QTMAN: variants seen among roughly 807,000 people sequenced by gnomAD.
QTMAN encodes tRNA-queuosine alpha-mannosyltransferase.
the QTMAN span, among the ~76,000 whole-genome samples, chr2:144,324,363 G>C: frequency 6.6e-6 from 1 of 152,200 alleles, no homozygotes; most frequent in East Asian, 1.9e-4. Context: ...ATATGCTCTA[G>C]ATAGTTCATT....
chr2:144,117,182 T>C, the QTMAN span, among the ~76,000 whole-genome samples: 1 of 152,208 alleles, frequency 6.6e-6, no homozygotes, highest in Non-Finnish European at 1.5e-5. Flanking sequence ...CTCCAGCAAA[T>C]GTTCTTCACT....
At chr2:144,097,588 C>G in the QTMAN span, among the ~76,000 whole-genome samples, 239 of 152,208 alleles carry the variant, frequency 1.6e-3, 1 homozygote, top group Middle Eastern at 0.01. Context: ...GGGGAGGGAA[C>G]GATCTTGATG....
the QTMAN span, among the ~76,000 whole-genome samples, chr2:143,966,792 C>CA: frequency 6.6e-6 from 1 of 152,174 alleles, no homozygotes; most frequent in Non-Finnish European, 1.5e-5. Flanking sequence ...TGCTTGAAAA[C>CA]AATCAACAGT....
the QTMAN span, among the ~76,000 whole-genome samples, chr2:144,118,528 T>C: frequency 6.6e-6 from 1 of 152,156 alleles, no homozygotes; most frequent in Non-Finnish European, 1.5e-5. Flanking sequence ...AACACAAATA[T>C]CAATTTTTCA....
chr2:144,051,777 GA>G, the QTMAN span, among the ~76,000 whole-genome samples: 1 of 152,096 alleles, frequency 6.6e-6, no homozygotes, highest in Non-Finnish European at 1.5e-5. Context: ...GGAAGGATCT[GA>G]ACGAAACTAC....
chr2:144,003,716 C>T, the QTMAN span, among the ~76,000 whole-genome samples: 1 of 152,062 alleles, frequency 6.6e-6, no homozygotes, highest in Non-Finnish European at 1.5e-5. Flanking sequence ...CATGCACAGA[C>T]ATTTTAACAC....
At chr2:144,059,062 C>T in the QTMAN span, among the ~76,000 whole-genome samples, 1 of 152,194 alleles carries the variant, frequency 6.6e-6, no homozygotes, top group African/African-American at 2.4e-5. Context: ...TACAGGATAA[C>T]ATTTGCCTCT....
At chr2:144,006,046 C>A in the QTMAN span, 4 of 151,938 alleles carry the variant, frequency 2.6e-5, no homozygotes, top group African/African-American at 9.7e-5. Flanking sequence ...TCATCTAGAC[C>A]CACTGCATTT....
At chr2:144,044,700 T>C in the QTMAN span, among the ~76,000 whole-genome samples, 1 of 152,170 alleles carries the variant, frequency 6.6e-6, no homozygotes, top group Non-Finnish European at 1.5e-5. Flanking sequence ...CCATATGCAG[T>C]AGAGATATCA....
the QTMAN span, among the ~76,000 whole-genome samples, chr2:144,216,536 C>G: frequency 1.3e-5 from 2 of 152,158 alleles, no homozygotes; most frequent in African/African-American, 2.4e-5. Context: ...CTAATGATTT[C>G]CTATTATTCC....
At chr2:144,314,539 C>G in the QTMAN span, among the ~76,000 whole-genome samples, 1 of 152,028 alleles carries the variant, frequency 6.6e-6, no homozygotes, top group African/African-American at 2.4e-5. Context: ...AGTGAAACTC[C>G]GTCTCTACTA....
chr2:144,306,647 A>G, the QTMAN span, among the ~76,000 whole-genome samples: 2 of 152,186 alleles, frequency 1.3e-5, no homozygotes, highest in Admixed American at 6.5e-5. Context: ...CACACAGTCC[A>G]TAAGAGCCCC....
chr2:144,252,849 T>G, the QTMAN span, among the ~76,000 whole-genome samples: 1 of 152,160 alleles, frequency 6.6e-6, no homozygotes, highest in Non-Finnish European at 1.5e-5. Flanking sequence ...GTGGCCAAAA[T>G]GTCCTCCAAA....
At chr2:144,021,429 GGATGTGCT>G in the QTMAN span, among the ~76,000 whole-genome samples, 1 of 152,132 alleles carries the variant, frequency 6.6e-6, no homozygotes, top group Non-Finnish European at 1.5e-5. Flanking sequence ...AGATACTGGT[GGATGTGCT>G]CCCTATAAGA....
the QTMAN span, among the ~76,000 whole-genome samples, chr2:144,013,310 C>T: frequency 2.0e-5 from 3 of 152,110 alleles, no homozygotes; most frequent in African/African-American, 7.2e-5. Flanking sequence ...TCCTCACCTA[C>T]CCCTGCAGGA....
chr2:143,973,646 G>A, the QTMAN span, among the ~76,000 whole-genome samples: 3 of 152,056 alleles, frequency 2.0e-5, no homozygotes, highest in Non-Finnish European at 2.9e-5. Context: ...AAAATTAGCC[G>A]GGCATGGTGG....
At chr2:144,260,748 T>C in the QTMAN span, among the ~76,000 whole-genome samples, 1 of 151,860 alleles carries the variant, frequency 6.6e-6, no homozygotes, top group Non-Finnish European at 1.5e-5. Context: ...ATGTTCTAAA[T>C]GAAAAGCATT....
the QTMAN span, among the ~76,000 whole-genome samples, chr2:144,198,122 G>C: frequency 2.0e-5 from 3 of 152,080 alleles, no homozygotes; most frequent in Non-Finnish European, 2.9e-5. Flanking sequence ...GCTAGTACGG[G>C]AGGCTGAGGT....
At chr2:144,026,703 G>C in the QTMAN span, among the ~76,000 whole-genome samples, 134 of 152,154 alleles carry the variant, frequency 8.8e-4, no homozygotes, top group Middle Eastern at 3.4e-3. Context: ...TCTACAAAGG[G>C]GGATTAATAC....
Sources: gnomAD v4.1 joint callset for allele counts (sites outside exome capture counted in the v4.1 genomes callset) on GRCh38, gnomAD v4.1.1 for gene constraint, MANE v1.5 for transcripts, NCBI Gene and HGNC (gene_info 2026-07-23, HGNC 2026-07-21) for gene names.